Variants in CASTOR2 observed in about 807,000 individuals in gnomAD.
CASTOR2 encodes the protein GATS protein like 2.
CASTOR2 carries 8 observed loss-of-function variants against 31.2 expected under a neutral mutation model. The observed-to-expected ratio is 0.26, with a 90% confidence interval of 0.15 to 0.46. The LOEUF is 0.46. Among genes scored for constraint, CASTOR2 ranks in the 20% least tolerant of loss-of-function variants. CASTOR2 has a pLI of 0.99. For synonymous variants in CASTOR2, 162 were observed against 158.7 expected (o/e 1.02, Z -0.16); for missense variants, 216 against 382.1 (o/e 0.57, Z 3.62).
chr7:74,996,987 G>A (rs1386397057), intron 1 of CASTOR2, among the ~76,000 whole-genome samples: 2 of 150,718 alleles, frequency 1.3e-5, no homozygotes, highest in South Asian at 2.1e-4. Context: ...CACCCCCCTC[G>A]GCCTCCCAAA....
chr7:75,021,860 C>T lies in CASTOR2; in HGVS notation c.747-14C>T, dbSNP rs967202115. 141 of 1,551,556 alleles carry T rather than the reference C, an allele frequency of 9.1e-5. No individual in the cohort carries two copies. The highest frequency in any genetic ancestry group is 2.2e-4 in the East Asian group (9 of 40,932). ...ACATCAGCCTCGGGGATTCTTCTCT[C>T]GCTCCTTTTGAAGGTTTCCTAGTAA... is the stretch of plus-strand genomic sequence containing the variant. On this transcript the variant is annotated splice_polypyrimidine_tract_variant and intron_variant, in intron 6 of 8. Coordinates refer to ENST00000616305, the MANE Select transcript of CASTOR2 (RefSeq NM_001145064.3).
Position 75,000,534 on chromosome 7 carries a change from C to T in CASTOR2, c.114-7460C>T, listed in dbSNP as rs1196108565. On this transcript the variant is annotated intron_variant, in intron 1 of 8. Transcript: ENST00000616305. ...CGAGAATGTTTTGTAAACAGGCGCC[C>T]ATAACATCCAAGACACCTGTCTTGG... is the stretch of plus-strand genomic sequence containing the variant. Among the ~76,000 whole-genome samples the T allele has an allele frequency of 1.1e-4, 16 of 152,194 alleles. No individual in the cohort carries two copies. In the South Asian group the frequency reaches 3.3e-3, roughly 32 times the overall value.
At chr7:74,999,436 T>C (rs1804439283) in intron 1 of CASTOR2, among the ~76,000 whole-genome samples, 1 of 151,608 alleles carries the variant, frequency 6.6e-6, no homozygotes, top group African/African-American at 2.4e-5. Flanking sequence ...ACAGGAGAAA[T>C]GAAATGTAAA....
rs1254997987 is a variant in CASTOR2, at chr7:75,017,678, T to G, written c.265T>G (p.Ser89Ala). The G allele has an allele frequency of 1.9e-6, 3 of 1,613,906 alleles. No homozygotes were observed. The highest frequency in any genetic ancestry group is 2.5e-6 in the Non-Finnish European group (3 of 1,179,882). The change falls in exon 3 of 9, where the codon TCC becomes GCC. Residue 89 changes from serine to alanine, a missense_variant. Around this residue, in one of 5 missense-constraint regions of CASTOR2, gnomAD observed 114 missense variants for 194.2 expected, o/e 0.59. Coordinates refer to ENST00000616305, the MANE Select transcript of CASTOR2 (RefSeq NM_001145064.3). ...LNVVSGGGSF[S>A]SSQPIGVTKI... ...CGTGGTGTCCGGCGGTGGCAGCTTC[T>G]CCAGCTCCCAGCCCATCGGCGTGAC...
At chr7:75,001,035 C>T (rs1175000522) in intron 1 of CASTOR2, among the ~76,000 whole-genome samples, 2 of 152,142 alleles carry the variant, frequency 1.3e-5, no homozygotes, top group Non-Finnish European at 2.9e-5. Context: ...CAGAGTCTGG[C>T]TGACACAGGG....
At chr7:75,017,813 C>G in intron 3 of CASTOR2, 22 bp downstream of exon 3, 3 of 1,613,982 alleles carry the variant, frequency 1.9e-6, no homozygotes, top group Non-Finnish European at 2.5e-6. Context: ...ATCACAGACA[C>G]GCCTTGCACA....
rs1805143773 is a variant in CASTOR2, at chr7:75,026,690, C to T, written c.*1991C>T. ...TTTTTTTTTAAGTTAATTTGTTTTG[C>T]ACAAAACTCCAGAACAAAACTCGTA... is the stretch of plus-strand genomic sequence containing the variant. On this transcript the variant is annotated 3_prime_UTR_variant, in exon 9 of 9. Coordinates refer to ENST00000616305, the MANE Select transcript of CASTOR2 (RefSeq NM_001145064.3). Among the ~76,000 whole-genome samples, 1 of 151,864 alleles carries T rather than the reference C, an allele frequency of 6.6e-6. No homozygotes were observed.
In CASTOR2 at chr7:75,008,345, G is replaced by A. The variant is rs1444222107; in HGVS notation, c.184+281G>A. 7.6e-4 allele frequency among the ~76,000 whole-genome samples: 116 copies of A among 152,212 alleles called. 1 individual carries two copies. The highest frequency in any genetic ancestry group is 1.3e-3 in the Admixed American group (20 of 15,284). ...CTCCTGAGTAGTAAGTAGGTACGGCGCTACCCAGCTGAGAATTAGATCAAC... is the reference window on the plus strand; with the variant it reads ...CTCCTGAGTAGTAAGTAGGTACGGCACTACCCAGCTGAGAATTAGATCAAC... On this transcript the variant is annotated intron_variant, in intron 2 of 8. Transcript: ENST00000616305.
At chr7:75,014,956 C>T (rs1410831433) in intron 2 of CASTOR2, among the ~76,000 whole-genome samples, 3 of 152,256 alleles carry the variant, frequency 2.0e-5, no homozygotes, top group Non-Finnish European at 4.4e-5. Context: ...CCGAAGCCTG[C>T]GGCTTTGATA....
intron 1 of CASTOR2, among the ~76,000 whole-genome samples, chr7:75,005,331 G>A (rs1393897900): frequency 1.3e-5 from 2 of 152,088 alleles, no homozygotes; most frequent in African/African-American, 4.8e-5. Context: ...CATATGAATA[G>A]AAACATACAG....
In CASTOR2 at chr7:75,018,129, T is replaced by G. The variant is rs1432351043; in HGVS notation, c.511+7T>G. On this transcript the variant is annotated splice_region_variant and intron_variant, in intron 4 of 8. Transcript: ENST00000616305. The stretch of plus-strand genomic sequence containing the variant: ...TTCGTGAAGCCCAAGCTGGGTGAGC[T>G]GGGGGCGGGGGTTTGTGCAGGGGAA... 6.2e-7 allele frequency: 1 copy of G among 1,613,720 alleles called. No individual in the cohort carries two copies. Among genetic ancestry groups the G allele is most frequent in the African/African-American group, 1.3e-5 (1 of 74,940 alleles).
At chr7:75,015,474 C>T (rs1202341307) in intron 2 of CASTOR2, among the ~76,000 whole-genome samples, 1 of 152,018 alleles carries the variant, frequency 6.6e-6, no homozygotes, top group African/African-American at 2.4e-5. Context: ...GATGGGGTCT[C>T]GCTACGTTCT....
At chr7:74,986,503 A>AT (rs1373986835) in intron 1 of CASTOR2, among the ~76,000 whole-genome samples, 11 of 151,454 alleles carry the variant, frequency 7.3e-5, no homozygotes, top group African/African-American at 2.4e-4. Context: ...AAAAAAAAAA[A>AT]AGAAAAGAAA....
At chr7:75,015,494 T>C (rs1584475736) in intron 2 of CASTOR2, among the ~76,000 whole-genome samples, 1 of 151,794 alleles carries the variant, frequency 6.6e-6, no homozygotes, top group Non-Finnish European at 1.5e-5. Context: ...TCCAGGCTGG[T>C]CTCAAATTCC....
chr7:75,012,280 C>T (rs1804768645), intron 2 of CASTOR2, among the ~76,000 whole-genome samples: 2 of 152,042 alleles, frequency 1.3e-5, no homozygotes, highest in Admixed American at 6.6e-5. Flanking sequence ...CTTGGACGCT[C>T]TGCTTCAGAA....
At chr7:75,008,476 A>C (rs1554438993) in intron 2 of CASTOR2, among the ~76,000 whole-genome samples, 1 of 152,158 alleles carries the variant, frequency 6.6e-6, no homozygotes, top group Non-Finnish European at 1.5e-5. Flanking sequence ...TGGGAGGATC[A>C]CTTGAGCCCA....
At chr7:74,987,949 A>T (rs1380197031) in intron 1 of CASTOR2, among the ~76,000 whole-genome samples, 2 of 150,346 alleles carry the variant, frequency 1.3e-5, no homozygotes, top group Non-Finnish European at 2.9e-5. Context: ...CTCAAGTGAT[A>T]CACCCGCTTT....
At position 74,989,528 on chromosome 7, in the gene CASTOR2, C is replaced by T. The variant is rs1804154344; in HGVS notation, c.114-18466C>T. Among the ~76,000 whole-genome samples the T allele has an allele frequency of 2.6e-5, 4 of 152,086 alleles. No homozygotes were observed. In the South Asian group the frequency reaches 8.3e-4, roughly 32 times the overall value. Reference sequence around the variant, plus strand: ...CCTCTACCACCCAGGCTCGAGCAATCCTCCCAACTCAGCCACCTGAGTAGC... The same window carrying T: ...CCTCTACCACCCAGGCTCGAGCAATTCTCCCAACTCAGCCACCTGAGTAGC... On this transcript the variant is annotated intron_variant, in intron 1 of 8. Transcript: ENST00000616305.
chr7:75,024,927 C>T lies in CASTOR2; in HGVS notation c.*228C>T, dbSNP rs1172465971. 9.2e-5 allele frequency: 95 copies of T among 1,027,852 alleles called. No homozygotes were observed. Among genetic ancestry groups the T allele is most frequent in the Non-Finnish European group, 1.1e-4 (81 of 708,432 alleles). 63.7% of individuals were successfully genotyped at this position (1,027,852 alleles called of 1,614,324 possible). ...GCCCCCCGACCCTCCAGAGAACGAC[C>T]TTTCTCTTCCCTACCTCCCCCACCC... On this transcript the variant is annotated 3_prime_UTR_variant, in exon 9 of 9. Coordinates refer to ENST00000616305, the MANE Select transcript of CASTOR2 (RefSeq NM_001145064.3).
Sources: allele counts gnomAD v4.1 joint callset (sites outside exome capture counted in the v4.1 genomes callset), GRCh38; gene constraint gnomAD v4.1.1; regional missense constraint gnomAD v4.1.1; transcripts MANE v1.5; gene names NCBI Gene and HGNC (gene_info 2026-07-23, HGNC 2026-07-21).